TPH2: variants seen among roughly 807,000 people sequenced by gnomAD.
The protein encoded by TPH2 is tryptophan 5-hydroxylase 2.
In TPH2, 27 loss-of-function variants were observed where a neutral mutation model predicts 59.1. The ratio of observed to expected loss-of-function variants is 0.46; its 90% CI spans 0.34 to 0.63. The LOEUF (loss-of-function observed/expected upper bound fraction) is 0.63. TPH2 is among the 30% of genes least tolerant of loss of function. The pLI, the probability that TPH2 is intolerant of heterozygous loss-of-function variation, is 0.01. For synonymous variants in TPH2, 220 were observed against 210.5 expected, an observed-to-expected ratio of 1.05 and a Z score of -0.39; for missense variants, 523 against 588.3, an observed-to-expected ratio of 0.89 and a Z score of 1.15.
intron 8 of TPH2, 95 bp downstream of exon 8, chr12:71,994,660 G>C: frequency 2.0e-6 from 3 of 1,486,192 alleles, no homozygotes; most frequent in Non-Finnish European, 2.8e-6. Context: ...ATAGGTAAAT[G>C]TTCTGGAGAA....
chr12:72,019,167 C>T (rs908496209), intron 8 of TPH2, among the ~76,000 whole-genome samples: 4 of 152,118 alleles, frequency 2.6e-5, no homozygotes, highest in South Asian at 4.1e-4. Context: ...AAGGGCTCTG[C>T]GATATTTACT....
At chr12:71,977,856 T>A (rs966850920) in intron 6 of TPH2, among the ~76,000 whole-genome samples, 2 of 152,190 alleles carry the variant, frequency 1.3e-5, no homozygotes, top group Admixed American at 6.5e-5. Flanking sequence ...GAACAGAACA[T>A]AAAGCAGCCA....
rs1377884324 is a variant in TPH2 at position 71,941,449 on chromosome 12, G to A, written c.106-135G>A. ...TATGACTGAAAGTTATGAGTGACAC[G>A]GCAACTTCACCTTAAGTTTGTATGA... On this transcript the variant is annotated intron_variant, in intron 1 of 10. Transcript: ENST00000333850. The A allele has an allele frequency of 2.9e-5, 32 of 1,086,856 alleles. No homozygotes were observed. In the Admixed American group the frequency reaches 4.2e-4, roughly 14 times the overall value. The allele number at this position is 1,086,856 out of a possible 1,614,324, so 67.3% of individuals were successfully genotyped here.
intron 7 of TPH2, among the ~76,000 whole-genome samples, chr12:71,981,500 TG>T (rs984408224): frequency 6.6e-6 from 1 of 151,858 alleles, no homozygotes; most frequent in Non-Finnish European, 1.5e-5. Context: ...GTTCAAAAGG[TG>T]TGGAGCTAGA....
chr12:72,022,244 A>G (rs1249097297), intron 8 of TPH2, among the ~76,000 whole-genome samples, 155 bp from the exon 9 acceptor site: 1 of 152,246 alleles, frequency 6.6e-6, no homozygotes, highest in Non-Finnish European at 1.5e-5. Context: ...ACTGAGCAAG[A>G]GAATAGATTT....
At chr12:71,962,416 A>G (rs2139195795) in intron 5 of TPH2, 1 of 985,428 alleles carries the variant, frequency 1.0e-6, no homozygotes, top group East Asian at 1.1e-4. Context: ...TTCCTGGTGA[A>G]AATTTTGGTT....
At chr12:71,990,996 T>C (rs964389838) in intron 7 of TPH2, among the ~76,000 whole-genome samples, 2 of 152,254 alleles carry the variant, frequency 1.3e-5, no homozygotes, top group Non-Finnish European at 2.9e-5. Context: ...GATTTTTTTC[T>C]TCCAAATTTA....
At chr12:71,949,098 T>C (rs73140697) in intron 4 of TPH2, among the ~76,000 whole-genome samples, 29,871 of 152,206 alleles carry the variant, frequency 0.2, 3,663 homozygotes, top group East Asian at 0.34. Context: ...AAAACCTCTT[T>C]AATTCATACT....
At position 72,004,786 on chromosome 12, in the gene TPH2, T is replaced by G. The variant is rs988994372; in HGVS notation, c.1068+10221T>G. 8.3e-4 allele frequency among the ~76,000 whole-genome samples: 127 copies of G among 152,318 alleles called. 1 individual carries two copies. The highest frequency in any genetic ancestry group is 2.9e-5 in the Non-Finnish European group (2 of 68,024). On this transcript the variant is annotated intron_variant, in intron 8 of 10. Transcript: ENST00000333850. ...TAGCAGAGGTAATGTTATATCAAAC[T>G]ATAGGGATTTAATTACCCCATTCCA...
intron 8 of TPH2, among the ~76,000 whole-genome samples, chr12:72,019,802 A>C (rs953889335): frequency 1.3e-5 from 2 of 152,178 alleles, no homozygotes; most frequent in Non-Finnish European, 2.9e-5. Context: ...TATTTGTAGA[A>C]TAGGTGAATG....
At chr12:71,997,282 T>A (rs1872715678) in intron 8 of TPH2, among the ~76,000 whole-genome samples, 1 of 152,188 alleles carries the variant, frequency 6.6e-6, no homozygotes, top group Non-Finnish European at 1.5e-5. Context: ...TATGATTAGA[T>A]TGGGCCCACC....
At chr12:71,975,919 A>T (rs1259426248) in intron 6 of TPH2, among the ~76,000 whole-genome samples, 1 of 152,238 alleles carries the variant, frequency 6.6e-6, no homozygotes, top group Non-Finnish European at 1.5e-5. Flanking sequence ...AGAGCTCCTT[A>T]TATCGAGATG....
intron 6 of TPH2, among the ~76,000 whole-genome samples, chr12:71,978,739 G>A (rs1872189583): frequency 6.6e-6 from 1 of 151,962 alleles, no homozygotes; most frequent in South Asian, 2.1e-4. Context: ...TGAATGTTTT[G>A]TTCTCCTGGA....
intron 7 of TPH2, among the ~76,000 whole-genome samples, chr12:71,984,092 G>A (rs1872364443): frequency 6.6e-6 from 1 of 152,138 alleles, no homozygotes. Context: ...TCAGCATTGA[G>A]GAATAATTCA....
intron 7 of TPH2, among the ~76,000 whole-genome samples, chr12:71,981,535 A>C (rs773871874): frequency 6.6e-6 from 1 of 152,150 alleles, no homozygotes; most frequent in Non-Finnish European, 1.5e-5. Flanking sequence ...ATAGTACAAG[A>C]GGGCACCTAT....
intron 8 of TPH2, 62 bp downstream of exon 8, chr12:71,994,627 T>C (rs1592402825): frequency 6.3e-7 from 1 of 1,592,814 alleles, no homozygotes; most frequent in African/African-American, 1.3e-5. Context: ...TAAAGAAAGC[T>C]TCAGGATTAT....
At chr12:71,970,346 T>G (rs1470589856) in intron 5 of TPH2, among the ~76,000 whole-genome samples, 2 of 152,198 alleles carry the variant, frequency 1.3e-5, no homozygotes, top group Admixed American at 6.5e-5. Flanking sequence ...TTCCCAAGAC[T>G]GCGAGGCTGG....
rs779187193 is a variant in TPH2 at position 71,994,538 on chromosome 12, A to C, written c.1041A>C (p.Ser347=). The change falls in exon 8 of 11, where the codon TCA becomes TCC. Residue 347 remains serine, a synonymous_variant. Coordinates refer to ENST00000333850, the MANE Select transcript of TPH2 (RefSeq NM_173353.4). ...QEIGLASLGA[S]DEDVQKLATC... ...TAGGTCTGGCGTCTCTGGGAGCATC[A>C]GATGAAGATGTTCAGAAACTAGCCA... The C allele has an allele frequency of 3.1e-6, 5 of 1,613,898 alleles. No individual in the cohort carries two copies. The highest frequency in any genetic ancestry group is 2.7e-5 in the African/African-American group (2 of 74,930).
chr12:71,944,806 A>T, intron 4 of TPH2, 120 bp downstream of exon 4: 1 of 965,606 alleles, frequency 1.0e-6, no homozygotes, highest in African/African-American at 1.6e-5. Flanking sequence ...TTTATTCCCC[A>T]TAACTGAGAG....
Sources: gnomAD v4.1 joint callset for allele counts (sites outside exome capture counted in the v4.1 genomes callset) on GRCh38, gnomAD v4.1.1 for gene constraint, MANE v1.5 for transcripts, NCBI Gene and HGNC (gene_info 2026-07-23, HGNC 2026-07-21) for gene names.